The following TMEFF1 variants were observed in gnomAD, a reference collection of about 807,000 sequenced individuals.
The protein encoded by TMEFF1 is tomoregulin-1.
A neutral mutation model predicts 47.5 loss-of-function variants in TMEFF1; 20 were observed. The ratio of observed to expected loss-of-function variants is 0.42; its 90% CI spans 0.30 to 0.61. The LOEUF is 0.61. Among genes scored for constraint, TMEFF1 ranks in the 20% least tolerant of loss-of-function variants. The pLI is 0.19. For synonymous variants in TMEFF1, 162 were observed against 166.3 expected (o/e 0.97, Z 0.20); for missense variants, 411 against 471.1 (o/e 0.87, Z 1.18).
intron 9 of TMEFF1, among the ~76,000 whole-genome samples, chr9:100,575,644 A>G (rs1005605191): frequency 1.3e-5 from 2 of 152,228 alleles, no homozygotes; most frequent in African/African-American, 2.4e-5. Context: ...ACTCATTGTT[A>G]TAAGACTTTC....
intron 4 of TMEFF1, among the ~76,000 whole-genome samples, chr9:100,514,886 T>C (rs1253630029): frequency 1.3e-5 from 2 of 151,840 alleles, no homozygotes; most frequent in African/African-American, 2.4e-5. Context: ...TCCCAGCTAC[T>C]CAGGAGGCTG....
At chr9:100,497,826 G>A (rs1317623335) in intron 1 of TMEFF1, among the ~76,000 whole-genome samples, 1 of 151,994 alleles carries the variant, frequency 6.6e-6, no homozygotes, top group Non-Finnish European at 1.5e-5. Flanking sequence ...TTTTCCCAGA[G>A]AGTCTTAGCT....
Position 100,576,782 on chromosome 9 carries a change from T to A in TMEFF1, c.*182T>A. On this transcript the variant is annotated 3_prime_UTR_variant, in exon 10 of 10. Transcript: ENST00000374879. The stretch of plus-strand genomic sequence containing the variant: ...ACTGTTTAGTAGTCTTTGTTTTATG[T>A]TTTTAAATACAGAAATTGCTTTCAC... 1.7e-6 allele frequency: 1 copy of A among 597,846 alleles called. No individual in the cohort carries two copies. 37.0% of individuals were successfully genotyped at this position (597,846 alleles called of 1,614,324 possible). A position where few individuals can be genotyped will look rare whatever the true frequency, so the allele number is the denominator to read the frequency against.
At chr9:100,538,823 G>A (rs1309743721) in intron 5 of TMEFF1, among the ~76,000 whole-genome samples, 2 of 152,172 alleles carry the variant, frequency 1.3e-5, no homozygotes, top group Non-Finnish European at 2.9e-5. Context: ...TACTTTCGAC[G>A]TTTGGATTAT....
At chr9:100,480,709 G>A (rs1339835634) in intron 1 of TMEFF1, among the ~76,000 whole-genome samples, 4 of 152,158 alleles carry the variant, frequency 2.6e-5, no homozygotes, top group Non-Finnish European at 5.9e-5. Flanking sequence ...CAAAAAAAAG[G>A]TCTTGGTGCT....
At chr9:100,566,793 C>T (rs1839134393) in intron 8 of TMEFF1, among the ~76,000 whole-genome samples, 1 of 152,078 alleles carries the variant, frequency 6.6e-6, no homozygotes, top group African/African-American at 2.4e-5. Context: ...CAGCCTCCAC[C>T]TCCTGGGTTC....
intron 5 of TMEFF1, among the ~76,000 whole-genome samples, chr9:100,533,414 A>G (rs948085763): frequency 1.3e-5 from 2 of 152,146 alleles, no homozygotes; most frequent in Non-Finnish European, 2.9e-5. Context: ...TTGCTGGCAT[A>G]ATGTTGTTTA....
chr9:100,535,610 A>G (rs1339013096), intron 5 of TMEFF1, among the ~76,000 whole-genome samples: 2 of 152,208 alleles, frequency 1.3e-5, no homozygotes, highest in Non-Finnish European at 2.9e-5. Flanking sequence ...GCCTCTACCA[A>G]AAATATAAAA....
intron 2 of TMEFF1, among the ~76,000 whole-genome samples, chr9:100,506,773 A>G (rs1215612785): frequency 1.3e-5 from 2 of 151,590 alleles, no homozygotes; most frequent in Non-Finnish European, 3.0e-5. Context: ...TCTCAAAAAA[A>G]AAAAAAAAAA....
intron 2 of TMEFF1, among the ~76,000 whole-genome samples, chr9:100,500,152 G>A (rs951340504): frequency 1.3e-5 from 2 of 152,130 alleles, no homozygotes; most frequent in African/African-American, 4.8e-5. Context: ...GTGATAATTT[G>A]AACTGTTTTC....
chr9:100,473,888 G>T lies in TMEFF1; in HGVS notation c.196+148G>T. On this transcript the variant is annotated intron_variant, in intron 1 of 9. Transcript: ENST00000374879. The surrounding 1 kb of genome is among the most constrained non-coding windows in gnomAD (Gnocchi z 5.4). ...GGTGAGCGAGGGCGGAGGGCAGGGC[G>T]CGAGCGTGCGGTGTGGCTTTGGGAC... The T allele has an allele frequency of 9.7e-7, 1 of 1,035,786 alleles. No individual in the cohort carries two copies. Among genetic ancestry groups the T allele is most frequent in the Non-Finnish European group, 1.3e-6 (1 of 777,884 alleles). 64.2% of individuals were successfully genotyped at this position (1,035,786 alleles called of 1,614,324 possible). A position where few individuals can be genotyped will look rare whatever the true frequency, so the allele number is the denominator to read the frequency against.
intron 4 of TMEFF1, among the ~76,000 whole-genome samples, chr9:100,515,140 CAAACA>C (rs1295822761): frequency 6.6e-6 from 1 of 152,062 alleles, no homozygotes; most frequent in Non-Finnish European, 1.5e-5. Context: ...CACCCTGTCT[CAAACA>C]AAACAAAACA....
chr9:100,485,303 C>T (rs1587814660), intron 1 of TMEFF1, among the ~76,000 whole-genome samples: 1 of 152,112 alleles, frequency 6.6e-6, no homozygotes, highest in Admixed American at 6.5e-5. Flanking sequence ...TGTTTCATAT[C>T]TCTTGGGTGT....
Position 100,555,543 on chromosome 9 carries a change from C to G in TMEFF1, c.775+5383C>G, listed in dbSNP as rs182702319. Among the ~76,000 whole-genome samples, 15 of 152,234 alleles carry G rather than the reference C, an allele frequency of 9.9e-5. No homozygotes were observed. The East Asian group carries it at 2.9e-3, about 29-fold the overall frequency. On this transcript the variant is annotated intron_variant, in intron 7 of 9. Coordinates refer to ENST00000374879, the MANE Select transcript of TMEFF1 (RefSeq NM_003692.5). ...GTCAGACTTGGTCTATATCTAATAG[C>G]TGTGCGTGTTGATTTCTGTGAGCCT...
chr9:100,533,722 T>C (rs1006458622), intron 5 of TMEFF1, among the ~76,000 whole-genome samples: 1 of 152,162 alleles, frequency 6.6e-6, no homozygotes, highest in African/African-American at 2.4e-5. Flanking sequence ...CTTTTTATTT[T>C]ATTTATTTAT....
intron 7 of TMEFF1, among the ~76,000 whole-genome samples, chr9:100,559,441 G>A (rs1838973896): frequency 2.0e-5 from 3 of 152,172 alleles, no homozygotes; most frequent in Admixed American, 1.3e-4. Context: ...CTAGGCTCGT[G>A]TGGCTATTGA....
intron 8 of TMEFF1, among the ~76,000 whole-genome samples, chr9:100,564,529 A>T (rs1395089885): frequency 3.9e-5 from 6 of 152,214 alleles, no homozygotes. Flanking sequence ...ATAAGTAATT[A>T]TAATATGGAA....
At chr9:100,509,691 G>A (rs538237612) in intron 3 of TMEFF1, among the ~76,000 whole-genome samples, 2 of 151,626 alleles carry the variant, frequency 1.3e-5, no homozygotes, top group Non-Finnish European at 2.9e-5. Flanking sequence ...GGAGAATGGC[G>A]TGAACCCAGG....
chr9:100,548,075 T>C (rs1373902896), intron 6 of TMEFF1, among the ~76,000 whole-genome samples, 183 bp downstream of exon 6: 1 of 152,086 alleles, frequency 6.6e-6, no homozygotes, highest in Non-Finnish European at 1.5e-5. Flanking sequence ...TTTCATCTTC[T>C]CAAGACATAA....
Sources: gnomAD v4.1 joint callset for allele counts (sites outside exome capture counted in the v4.1 genomes callset) on GRCh38, gnomAD v4.1.1 for gene constraint, Gnocchi (gnomAD v3.1) non-coding constraint, MANE v1.5 for transcripts, NCBI Gene and HGNC (gene_info 2026-07-23, HGNC 2026-07-21) for gene names.